Variants in ABCC5 observed in about 807,000 individuals in gnomAD.
ABCC5 encodes ATP-binding cassette sub-family C member 5.
In ABCC5, 61 loss-of-function variants were observed where a neutral mutation model predicts 160.9. The ratio of observed to expected loss-of-function variants is 0.38; its 90% CI spans 0.31 to 0.47. ABCC5 has a LOEUF of 0.47. Ranked by LOEUF, ABCC5 falls within the 20% of genes least tolerant of loss-of-function variation. The pLI, the probability that ABCC5 is intolerant of heterozygous loss-of-function variation, is 0.99. For missense variants in ABCC5, 1,308 were observed against 1,813.3 expected (o/e 0.72, Z 5.06); for synonymous variants, 666 against 700.6 (o/e 0.95, Z 0.78).
At chr3:183,961,442 T>C (rs1716723005) in intron 16 of ABCC5, 69 bp downstream of exon 16, 2 of 1,568,808 alleles carry the variant, frequency 1.3e-6, no homozygotes, top group South Asian at 1.2e-5. Context: ...GGTCTCTCCA[T>C]CACTCACTCC....
intron 5 of ABCC5, chr3:183,984,946 G>C: frequency 2.0e-6 from 3 of 1,495,906 alleles, no homozygotes; most frequent in South Asian, 2.4e-5. Context: ...CATACCTTTA[G>C]AGTGCCATTT....
At chr3:183,971,461 G>C (rs1156921155) in intron 11 of ABCC5, 102 bp downstream of exon 11, 2 of 1,116,814 alleles carry the variant, frequency 1.8e-6, no homozygotes, top group Admixed American at 5.2e-5. Flanking sequence ...ATCACTCCTA[G>C]CCACAAAGCA....
At position 183,955,108 on chromosome 3, in the gene ABCC5, G is replaced by C. The variant is rs570027468; in HGVS notation, c.2483-1838C>G. 6.2e-4 allele frequency among the ~76,000 whole-genome samples: 95 copies of C among 152,310 alleles called. No homozygotes were observed. The South Asian group carries it at 8.3e-3, about 13-fold the overall frequency. On this transcript the variant is annotated intron_variant, in intron 17 of 29. Transcript: ENST00000334444. ...AAGCCTCCCAGTAGCAGACGTCAGA[G>C]AGAACAGATGTGAATGTCTCCTATC...
intron 15 of ABCC5, 31 bp from the exon 16 acceptor site, chr3:183,961,685 G>C (rs1311093158): frequency 6.2e-7 from 1 of 1,612,580 alleles, no homozygotes; most frequent in Non-Finnish European, 8.5e-7. Context: ...AACACAATAT[G>C]CTGTTTGTGC....
At position 183,987,670 on chromosome 3, in the gene ABCC5, T is replaced by C. The variant is rs1332933824; in HGVS notation, c.591+100A>G. 2 of 1,546,604 alleles carry C rather than the reference T, an allele frequency of 1.3e-6. No individual in the cohort carries two copies. The highest frequency in any genetic ancestry group is 2.3e-5 in the South Asian group (2 of 86,290). ...TGAAGGCATCTCTAAGACTGCTACC[T>C]AGCCCAAAGCTGAGCACAACCTCTG... is the stretch of plus-strand genomic sequence containing the variant. On this transcript the variant is annotated intron_variant, in intron 5 of 29. Coordinates refer to ENST00000334444, the MANE Select transcript of ABCC5 (RefSeq NM_005688.4). The surrounding 1 kb of genome is among the most constrained non-coding windows in gnomAD (Gnocchi z 4.2).
intron 2 of ABCC5, among the ~76,000 whole-genome samples, chr3:183,997,402 T>C (rs912840666): frequency 6.6e-6 from 1 of 152,236 alleles, no homozygotes; most frequent in Non-Finnish European, 1.5e-5. Context: ...ATTCAATACA[T>C]GTTAGCTATA....
intron 26 of ABCC5, 84 bp from the exon 27 acceptor site, chr3:183,928,909 A>G: frequency 8.9e-7 from 1 of 1,117,722 alleles, no homozygotes; most frequent in African/African-American, 1.5e-5. Context: ...TGTTTAACAC[A>G]CATGCATAGG....
chr3:183,925,524 G>A (rs775607733), intron 29 of ABCC5, 31 bp downstream of exon 29: 19 of 1,608,642 alleles, frequency 1.2e-5, no homozygotes, highest in Non-Finnish European at 1.6e-5. Context: ...TCCCAGACAT[G>A]CCAAGCCAAA....
chr3:183,921,379 G>A lies in ABCC5; in HGVS notation c.4235C>T (p.Ser1412Leu), dbSNP rs1326159167. The change falls in exon 30 of 30, where the codon TCG (serine) becomes TTG (leucine). Residue 1412 changes from serine (S) to leucine (L), a missense_variant. Ser to Leu is a moderately radical substitution (Grantham distance 145). This residue lies in a region of ABCC5 where 163 missense variants were observed against 269.7 expected (regional missense o/e 0.60). Coordinates refer to ENST00000334444, the MANE Select transcript of ABCC5 (RefSeq NM_005688.4). The surrounding 1 kb of genome is among the most constrained non-coding windows in gnomAD (Gnocchi z 4.1). ...GGAACTGTCGTTGGACAGAAGGACC[G>A]ATGGGGTGTCAAACTCCACCACCTG... ...QGQVVEFDTPSVLLSNDSSRF... is the reference protein window; with the variant it reads ...QGQVVEFDTPLVLLSNDSSRF... 4.3e-6 allele frequency: 7 copies of A among 1,613,090 alleles called. No homozygotes were observed. Among genetic ancestry groups the A allele is most frequent in the South Asian group, 2.2e-5 (2 of 90,924 alleles).
chr3:183,957,445 A>T (rs1234032616), intron 17 of ABCC5, among the ~76,000 whole-genome samples: 1 of 139,838 alleles, frequency 7.2e-6, no homozygotes, highest in Non-Finnish European at 1.6e-5. Flanking sequence ...TGTATATCAC[A>T]TCTGTTACAT....
chr3:183,992,254 T>C (rs1719832191), intron 2 of ABCC5, among the ~76,000 whole-genome samples: 4 of 152,342 alleles, frequency 2.6e-5, no homozygotes, highest in Non-Finnish European at 1.5e-5. Flanking sequence ...TGTACCTATA[T>C]AATCTCAACT....
In ABCC5 at chr3:183,951,843, C is replaced by T; in HGVS notation, c.2814+14G>A. Reference sequence around the variant, plus strand: ...CACCAGGGAGGAGGGCAGAGACCACCCACCAATGCATACCTTGACAAAGAC... The same window carrying T: ...CACCAGGGAGGAGGGCAGAGACCACTCACCAATGCATACCTTGACAAAGAC... On this transcript the variant is annotated intron_variant, in intron 19 of 29. Coordinates refer to ENST00000334444, the MANE Select transcript of ABCC5 (RefSeq NM_005688.4). The surrounding 1 kb of genome is among the most constrained non-coding windows in gnomAD (Gnocchi z 4.7). 1 of 1,610,418 alleles carries T rather than the reference C, an allele frequency of 6.2e-7. No homozygotes were observed. Among genetic ancestry groups the T allele is most frequent in the Non-Finnish European group, 8.5e-7 (1 of 1,177,920 alleles).
chr3:183,965,460 G>A lies in ABCC5; in HGVS notation c.1875C>T (p.Phe625=), dbSNP rs766741808. 17 of 1,613,764 alleles carry A rather than the reference G, an allele frequency of 1.1e-5. No individual in the cohort carries two copies. The highest frequency in any genetic ancestry group is 1.4e-5 in the Non-Finnish European group (17 of 1,180,020). Residue 625 remains phenylalanine (F), a synonymous_variant, in exon 13 of 30, where the codon TTC becomes TTT. Coordinates refer to ENST00000334444, the MANE Select transcript of ABCC5 (RefSeq NM_005688.4). ...TCCAGGCCTGCTGGGCCACATAAGC[G>A]AAGGTTCCACTGATTGCAATGCTGC... The part of the protein sequence containing the change: ...LEGSIAISGT[F]AYVAQQAWIL...
intron 2 of ABCC5, among the ~76,000 whole-genome samples, chr3:184,003,238 T>C (rs1720900403): frequency 6.6e-6 from 1 of 152,090 alleles, no homozygotes; most frequent in Non-Finnish European, 1.5e-5. Flanking sequence ...TGAATTAAAA[T>C]TCACTTTTAA....
rs1718323916 is a variant in ABCC5, at chr3:183,977,507, A to G, written c.1404+10T>C. ...CTCCTGACACGGGGGCAGGGGAAGG[A>G]GCCACTTACCTTAAATCTGTCAACA... On this transcript the variant is annotated intron_variant, in intron 10 of 29. Coordinates refer to ENST00000334444, the MANE Select transcript of ABCC5 (RefSeq NM_005688.4). The G allele has an allele frequency of 4.4e-6, 7 of 1,597,532 alleles. No individual in the cohort carries two copies. Among genetic ancestry groups the G allele is most frequent in the African/African-American group, 1.3e-5 (1 of 74,560 alleles).
At position 183,927,372 on chromosome 3, in the gene ABCC5, C is replaced by T. The variant is rs1712688920; in HGVS notation, c.4005G>A (p.Arg1335=). 1 of 1,613,744 alleles carries T rather than the reference C, an allele frequency of 6.2e-7. No individual in the cohort carries two copies. Among genetic ancestry groups the T allele is most frequent in the Non-Finnish European group, 8.5e-7 (1 of 1,179,848 alleles). ...ENGDNFSVGE[R]QLLCIARALL... is the part of the protein sequence containing the mutation. ...GGGCTCTAGCTATGCACAAGAGCTG[C>T]CGTTCCCCCACTGAGAAGTTATCCC... The change falls in exon 28 of 30, where the codon CGG becomes CGA. Residue 1335 remains arginine, a synonymous_variant. Coordinates refer to ENST00000334444, the MANE Select transcript of ABCC5 (RefSeq NM_005688.4).
At chr3:183,990,409 G>A (rs1346129200) in intron 2 of ABCC5, among the ~76,000 whole-genome samples, 1 of 152,132 alleles carries the variant, frequency 6.6e-6, no homozygotes, top group African/African-American at 2.4e-5. Context: ...CCAGCTTATG[G>A]ACCACTCTTT....
intron 12 of ABCC5, chr3:183,967,407 C>T: frequency 2.7e-6 from 1 of 376,244 alleles, no homozygotes; most frequent in Non-Finnish European, 5.1e-6. Context: ...CACGGGCATA[C>T]CTGTGGCACT....
intron 17 of ABCC5, among the ~76,000 whole-genome samples, chr3:183,958,985 G>C (rs1269587775): frequency 4.0e-5 from 6 of 151,768 alleles, no homozygotes; most frequent in Non-Finnish European, 2.9e-5. Context: ...GGATTCAAAA[G>C]GGTGAGGTAA....
Sources: allele counts gnomAD v4.1 joint callset (sites outside exome capture counted in the v4.1 genomes callset), GRCh38; gene constraint gnomAD v4.1.1; regional missense constraint gnomAD v4.1.1; non-coding constraint Gnocchi (gnomAD v3.1); transcripts MANE v1.5; gene names NCBI Gene and HGNC (gene_info 2026-07-23, HGNC 2026-07-21).